PDZRN4: variants seen among roughly 807,000 people sequenced by gnomAD.
The protein encoded by PDZRN4 is PDZ domain-containing RING finger protein 4.
Under a neutral mutation model 99.0 loss-of-function variants are expected in PDZRN4, and 70 were observed. The observed-to-expected ratio is 0.71, with a 90% confidence interval of 0.58 to 0.86. The LOEUF is 0.86. Among genes scored for constraint, PDZRN4 ranks in the 40% least tolerant of loss-of-function variants. The pLI, the probability that PDZRN4 is intolerant of heterozygous loss-of-function variation, is 0.00. For synonymous variants in PDZRN4, 551 were observed against 501.6 expected (o/e 1.10, Z -1.32); for missense variants, 1,474 against 1,331.2 (o/e 1.11, Z -1.67).
intron 3 of PDZRN4, among the ~76,000 whole-genome samples, chr12:41,429,825 T>C (rs1381417247): frequency 6.6e-6 from 1 of 151,400 alleles, no homozygotes; most frequent in Non-Finnish European, 1.5e-5. Context: ...GTATTATCAC[T>C]GCTGTACTTA....
At chr12:41,360,911 C>A (rs1282971250) in intron 3 of PDZRN4, among the ~76,000 whole-genome samples, 4 of 151,344 alleles carry the variant, frequency 2.6e-5, no homozygotes, top group South Asian at 4.2e-4. Flanking sequence ...TCCCAAAAAA[C>A]CTATTTATCA....
At position 41,240,805 on chromosome 12, in the gene PDZRN4, A is replaced by G. The variant is rs576576970; in HGVS notation, c.843+46617A>G. ...TATAAGCGCACTAATCCTATTCACT[A>G]TTCATAAGGGCAAAGCCCTTATTAC... On this transcript the variant is annotated intron_variant, in intron 3 of 9. Transcript: ENST00000402685. 1.2e-4 allele frequency among the ~76,000 whole-genome samples: 19 copies of G among 152,252 alleles called. 1 individual carries two copies. In the South Asian group the frequency reaches 3.7e-3, roughly 30 times the overall value.
At chr12:41,461,331 C>A (rs1050967687) in intron 3 of PDZRN4, among the ~76,000 whole-genome samples, 2 of 152,022 alleles carry the variant, frequency 1.3e-5, no homozygotes, top group East Asian at 3.9e-4. Flanking sequence ...AGCCTAGTAC[C>A]CATTAGTTAA....
chr12:41,311,910 A>G (rs1951609361), intron 3 of PDZRN4, among the ~76,000 whole-genome samples: 1 of 152,230 alleles, frequency 6.6e-6, no homozygotes, highest in African/African-American at 2.4e-5. Context: ...AACTTAGTAC[A>G]TATAAAAATA....
intron 3 of PDZRN4, among the ~76,000 whole-genome samples, chr12:41,385,003 A>G (rs924293561): frequency 6.6e-6 from 1 of 152,190 alleles, no homozygotes; most frequent in African/African-American, 2.4e-5. Context: ...TACATTCTCA[A>G]TTTACTCATT....
At chr12:41,467,100 G>T (rs750038609) in intron 3 of PDZRN4, among the ~76,000 whole-genome samples, 1 of 152,126 alleles carries the variant, frequency 6.6e-6, no homozygotes, top group Non-Finnish European at 1.5e-5. Flanking sequence ...GCATTACAGC[G>T]CAAAATAGCT....
chr12:41,256,660 C>A (rs1951206627), intron 3 of PDZRN4, among the ~76,000 whole-genome samples: 1 of 152,178 alleles, frequency 6.6e-6, no homozygotes, highest in South Asian at 2.1e-4. Context: ...GCTGACTGAA[C>A]TAAGACACAC....
intron 3 of PDZRN4, among the ~76,000 whole-genome samples, chr12:41,373,100 G>A (rs1952055216): frequency 6.6e-6 from 1 of 152,080 alleles, no homozygotes; most frequent in Non-Finnish European, 1.5e-5. Flanking sequence ...CAAAAGGTGA[G>A]GGAGTGTATG....
chr12:41,491,347 T>A (rs1394668358), intron 3 of PDZRN4, among the ~76,000 whole-genome samples: 1 of 151,860 alleles, frequency 6.6e-6, no homozygotes, highest in Non-Finnish European at 1.5e-5. Flanking sequence ...ACAGTGAAAC[T>A]CTGTCTCTAA....
chr12:41,408,185 T>C (rs1952363443), intron 3 of PDZRN4, among the ~76,000 whole-genome samples: 1 of 152,068 alleles, frequency 6.6e-6, no homozygotes. Flanking sequence ...AGAAAGTGAG[T>C]AGGAGAGAAA....
chr12:41,374,985 C>G (rs1952069157), intron 3 of PDZRN4, among the ~76,000 whole-genome samples: 2 of 152,162 alleles, frequency 1.3e-5, no homozygotes, highest in Admixed American at 1.3e-4. Flanking sequence ...CTCTCTCTCT[C>G]TTCAAGTCAC....
intron 3 of PDZRN4, among the ~76,000 whole-genome samples, chr12:41,236,699 T>C (rs1951069525): frequency 6.6e-6 from 1 of 152,140 alleles, no homozygotes; most frequent in Non-Finnish European, 1.5e-5. Context: ...GGATTGTTTT[T>C]TTGTTTCTTT....
At chr12:41,486,902 G>C (rs946821254) in intron 3 of PDZRN4, among the ~76,000 whole-genome samples, 2 of 151,972 alleles carry the variant, frequency 1.3e-5, no homozygotes, top group Admixed American at 1.3e-4. Flanking sequence ...CCTTTGCCAT[G>C]GCTGCTTCTC....
chr12:41,495,686 AT>A (rs1173933184), intron 3 of PDZRN4, among the ~76,000 whole-genome samples: 1 of 152,088 alleles, frequency 6.6e-6, no homozygotes, highest in Non-Finnish European at 1.5e-5. Context: ...GATGAAAGGT[AT>A]TTTTTAAAAA....
At chr12:41,260,714 G>A (rs1428682905) in intron 3 of PDZRN4, among the ~76,000 whole-genome samples, 1 of 151,372 alleles carries the variant, frequency 6.6e-6, no homozygotes, top group Non-Finnish European at 1.5e-5. Context: ...TAGATAAGGT[G>A]ATGCTATTAT....
intron 3 of PDZRN4, among the ~76,000 whole-genome samples, chr12:41,295,188 C>T (rs1447458545): frequency 6.6e-6 from 1 of 152,084 alleles, no homozygotes; most frequent in East Asian, 1.9e-4. Context: ...AGTTTATCTT[C>T]TACTCACCCT....
At chr12:41,445,891 T>C (rs1389066814) in intron 3 of PDZRN4, among the ~76,000 whole-genome samples, 2 of 152,106 alleles carry the variant, frequency 1.3e-5, no homozygotes, top group Admixed American at 1.3e-4. Context: ...ATAATTCAAA[T>C]GCAGCTGTGT....
At chr12:41,357,559 A>G (rs1045112736) in intron 3 of PDZRN4, among the ~76,000 whole-genome samples, 6 of 151,998 alleles carry the variant, frequency 3.9e-5, no homozygotes, top group African/African-American at 1.4e-4. Context: ...CATGATATTG[A>G]CAGCATATGA....
Position 41,297,420 on chromosome 12 carries a change from C to T in PDZRN4, c.843+103232C>T, listed in dbSNP as rs76154114. 7.3e-3 allele frequency among the ~76,000 whole-genome samples: 1,108 copies of T among 152,272 alleles called. 13 individuals carry two copies. Among genetic ancestry groups the T allele is most frequent in the African/African-American group, 0.026 (1,063 of 41,552 alleles). ...GCCCTAGTTCTGGCCCTGGTCCTGT[C>T]CCTGACCCCAGCTTCACTATGTGTC... On this transcript the variant is annotated intron_variant, in intron 3 of 9. Transcript: ENST00000402685.
Sources: gnomAD v4.1 joint callset for allele counts (sites outside exome capture counted in the v4.1 genomes callset) on GRCh38, gnomAD v4.1.1 for gene constraint, MANE v1.5 for transcripts, NCBI Gene and HGNC (gene_info 2026-07-23, HGNC 2026-07-21) for gene names.